Variants in RAB23 observed in about 807,000 individuals in gnomAD.
RAB23 encodes the protein RAB23, member RAS oncogene family.
A neutral mutation model predicts 30.0 loss-of-function variants in RAB23; 15 were observed. The observed-to-expected ratio is 0.50, with a 90% CI of 0.33 to 0.77. The LOEUF (loss-of-function observed/expected upper bound fraction) is 0.77, where lower values mean the gene tolerates loss of function less well. Ranked by LOEUF, RAB23 falls within the 30% of genes least tolerant of loss-of-function variation. RAB23 has a pLI of 0.02. For synonymous variants in RAB23, 93 were observed against 94.0 expected, an observed-to-expected ratio of 0.99 and a Z score of 0.06; for missense variants, 243 against 275.4, an observed-to-expected ratio of 0.88 and a Z score of 0.83.
intron 2 of RAB23, among the ~76,000 whole-genome samples, chr6:57,209,700 C>T (rs980178545): frequency 5.9e-5 from 9 of 152,112 alleles, no homozygotes; most frequent in Admixed American, 1.3e-4. Context: ...CTCTGATGTG[C>T]TTTAGAATCC....
chr6:57,189,751 C>A lies in RAB23; in HGVS notation c.*710G>T, dbSNP rs1448818336. 1 of 152,546 alleles carries A rather than the reference C, an allele frequency of 6.6e-6. No individual in the cohort carries two copies. Among genetic ancestry groups the A allele is most frequent in the African/African-American group, 2.4e-5 (1 of 41,414 alleles). 9.4% of individuals were successfully genotyped at this position (152,546 alleles called of 1,614,324 possible). On this transcript the variant is annotated 3_prime_UTR_variant, in exon 7 of 7. Transcript: ENST00000468148. ...AAAATTAGGTATGATATTTTTGGCA[C>A]AAAGCACTTTTTAAACCCAAGCTCA...
At chr6:57,212,718 CAAAA>C (rs35931979) in intron 1 of RAB23, among the ~76,000 whole-genome samples, 1 of 89,242 alleles carries the variant, frequency 1.1e-5, no homozygotes. Context: ...CTGTCTCTAC[CAAAA>C]AAAAAAAAAA....
In RAB23 at chr6:57,188,767, T is replaced by TAATG. The variant is rs1379320096; in HGVS notation, c.*1690_*1693dup. 2.6e-5 allele frequency: 4 copies of TAATG among 152,186 alleles called. No homozygotes were observed. Among genetic ancestry groups the TAATG allele is most frequent in the Non-Finnish European group, 5.9e-5 (4 of 68,022 alleles). The allele number at this position is 152,186 out of a possible 1,614,324, so 9.4% of individuals were successfully genotyped here. ...TAGATAATGCCAGATCATTTCAATA[T>TAATG]AATGAAAAGCAAAAATTTACTTTTT... is the stretch of plus-strand genomic sequence containing the variant. On this transcript the variant is annotated 3_prime_UTR_variant, in exon 7 of 7. Transcript: ENST00000468148.
chr6:57,192,105 A>C (rs1430092382), intron 6 of RAB23, among the ~76,000 whole-genome samples: 1 of 152,070 alleles, frequency 6.6e-6, no homozygotes, highest in South Asian at 2.1e-4. Context: ...CAACCTCCCA[A>C]ATAGCTGGGA....
At position 57,188,925 on chromosome 6, in the gene RAB23, A is replaced by C. The variant is rs931746824; in HGVS notation, c.*1536T>G. 36 of 152,184 alleles carry C rather than the reference A, an allele frequency of 2.4e-4. No individual in the cohort carries two copies. The highest frequency in any genetic ancestry group is 8.4e-4 in the African/African-American group (35 of 41,466). 9.4% of individuals were successfully genotyped at this position (152,184 alleles called of 1,614,324 possible). A position where few individuals can be genotyped will look rare whatever the true frequency, so the allele number is the denominator to read the frequency against. Reference sequence around the variant, plus strand: ...GGGAGTACAGATGGAAAAACAAAAGATAAAACACAAAAGGAGTACATAAAA... The same window carrying C: ...GGGAGTACAGATGGAAAAACAAAAGCTAAAACACAAAAGGAGTACATAAAA... On this transcript the variant is annotated 3_prime_UTR_variant, in exon 7 of 7. Transcript: ENST00000468148.
intron 5 of RAB23, 122 bp from the exon 6 acceptor site, chr6:57,194,056 C>G: frequency 7.2e-7 from 1 of 1,395,000 alleles, no homozygotes; most frequent in South Asian, 1.4e-5. Flanking sequence ...TAGGAGCATA[C>G]AATCTAGTTA....
At chr6:57,198,885 C>T (rs1765130032) in intron 3 of RAB23, among the ~76,000 whole-genome samples, 1 of 151,884 alleles carries the variant, frequency 6.6e-6, no homozygotes, top group African/African-American at 2.4e-5. Flanking sequence ...GCCAGAGATA[C>T]GGGCAGTAAG....
At position 57,189,735 on chromosome 6, in the gene RAB23, TATG is replaced by T. The variant is rs1056329984; in HGVS notation, c.*723_*725del. On this transcript the variant is annotated 3_prime_UTR_variant, in exon 7 of 7. Transcript: ENST00000468148. ...ATAGTAAAGCACTATAAAAATTAGG[TATG>T]ATATTTTTGGCACAAAGCACTTTTT... 2 of 152,706 alleles carry T rather than the reference TATG, an allele frequency of 1.3e-5. No homozygotes were observed. The highest frequency in any genetic ancestry group is 4.8e-5 in the African/African-American group (2 of 41,460). 9.5% of individuals were successfully genotyped at this position (152,706 alleles called of 1,614,324 possible).
rs537816415 is a variant in RAB23, at chr6:57,194,005, T to C, written c.482-71A>G. 32 of 1,548,684 alleles carry C rather than the reference T, an allele frequency of 2.1e-5. No homozygotes were observed. The African/African-American group carries it at 4.3e-4, about 21-fold the overall frequency. On this transcript the variant is annotated intron_variant, in intron 5 of 6. Transcript: ENST00000468148. The stretch of plus-strand genomic sequence containing the variant: ...ATGTAAATCTGTTATTTCACATCAT[T>C]TGTAATATTTATACTTACTAAACAA...
Position 57,220,434 on chromosome 6 carries a change from C to CA in RAB23, c.-66+1291dup, listed in dbSNP as rs1257493964. Among the ~76,000 whole-genome samples, 6 of 152,150 alleles carry CA rather than the reference C, an allele frequency of 3.9e-5. No homozygotes were observed. The East Asian group carries it at 1.2e-3, about 29-fold the overall frequency. ...CTAGAGAAATGAAAACATGTCCATG[C>CA]AAAAACCTGTACATGGTATTTATAG... On this transcript the variant is annotated intron_variant, in intron 1 of 6. Transcript: ENST00000468148.
In RAB23 at chr6:57,190,231, A is replaced by G; in HGVS notation, c.*230T>C. The G allele has an allele frequency of 2.0e-6, 1 of 491,130 alleles. No homozygotes were observed. Among genetic ancestry groups the G allele is most frequent in the South Asian group, 2.4e-5 (1 of 41,502 alleles). 30.4% of individuals were successfully genotyped at this position (491,130 alleles called of 1,614,324 possible). A position where few individuals can be genotyped will look rare whatever the true frequency, so the allele number is the denominator to read the frequency against. ...ATAGCATTCCTTTACAAACAGGAGAAGCTTCGTCTAATGTAAAAAAAATTA... is the reference window on the plus strand; with the variant it reads ...ATAGCATTCCTTTACAAACAGGAGAGGCTTCGTCTAATGTAAAAAAAATTA... On this transcript the variant is annotated 3_prime_UTR_variant, in exon 7 of 7. Transcript: ENST00000468148.
chr6:57,198,581 T>C (rs1046007606), intron 3 of RAB23, among the ~76,000 whole-genome samples: 8 of 151,928 alleles, frequency 5.3e-5, no homozygotes, highest in African/African-American at 1.9e-4. Context: ...CTCAGGTGAC[T>C]GAGGTGGGAG....
At chr6:57,208,768 A>T (rs1254649042) in intron 2 of RAB23, among the ~76,000 whole-genome samples, 2 of 152,156 alleles carry the variant, frequency 1.3e-5, no homozygotes, top group Non-Finnish European at 2.9e-5. Context: ...GTGAACACTG[A>T]ATTAGCAAAT....
At chr6:57,218,945 G>GGT (rs1562662882) in intron 1 of RAB23, among the ~76,000 whole-genome samples, 1 of 151,936 alleles carries the variant, frequency 6.6e-6, no homozygotes, top group African/African-American at 2.4e-5. Context: ...ACAAGGTAAG[G>GGT]ATATATATTC....
intron 1 of RAB23, among the ~76,000 whole-genome samples, chr6:57,214,411 C>T (rs1765762590): frequency 1.3e-5 from 2 of 152,090 alleles, no homozygotes; most frequent in South Asian, 4.1e-4. Context: ...ACTTCCTGGG[C>T]TCAAGCAATC....
In RAB23 at chr6:57,188,846, A is replaced by T. The variant is rs1473001583; in HGVS notation, c.*1615T>A. ...GCAAAGAGAACATTTACTTTTGATC[A>T]CTTAACAAGGACACACCCAGGAAAT... On this transcript the variant is annotated 3_prime_UTR_variant, in exon 7 of 7. Transcript: ENST00000468148. The T allele has an allele frequency of 6.6e-6, 1 of 152,160 alleles. No individual in the cohort carries two copies. Among genetic ancestry groups the T allele is most frequent in the Admixed American group, 6.5e-5 (1 of 15,276 alleles). 9.4% of individuals were successfully genotyped at this position (152,160 alleles called of 1,614,324 possible).
intron 1 of RAB23, among the ~76,000 whole-genome samples, chr6:57,214,785 G>A (rs1188554031): frequency 1.3e-5 from 2 of 152,022 alleles, no homozygotes; most frequent in Non-Finnish European, 2.9e-5. Context: ...TGATTTCATC[G>A]AAAATCACTC....
intron 3 of RAB23, among the ~76,000 whole-genome samples, chr6:57,200,531 T>C (rs111394677): frequency 0.26 from 33,644 of 130,010 alleles, 5,017 homozygotes; most frequent in African/African-American, 0.43. Flanking sequence ...AGTGAGACTC[T>C]GTCTCAAAAA....
chr6:57,197,648 A>G (rs993497514), intron 3 of RAB23, among the ~76,000 whole-genome samples: 7 of 152,246 alleles, frequency 4.6e-5, no homozygotes, highest in Non-Finnish European at 1.0e-4. Context: ...TGTAGAAAGC[A>G]AAAGACCACA....
Sources: gnomAD v4.1 joint callset for allele counts (sites outside exome capture counted in the v4.1 genomes callset) on GRCh38, gnomAD v4.1.1 for gene constraint, MANE v1.5 for transcripts, NCBI Gene and HGNC (gene_info 2026-07-23, HGNC 2026-07-21) for gene names.